NR6A1: variants seen among roughly 807,000 people sequenced by gnomAD.
NR6A1 encodes retinoic acid receptor-related testis-associated receptor.
In NR6A1, 7 loss-of-function variants were observed where a neutral mutation model predicts 59.1. The ratio of observed to expected loss-of-function variants is 0.12; its 90% CI spans 0.07 to 0.22. The LOEUF is 0.22. NR6A1 is among the 10% of genes least tolerant of loss of function. NR6A1 has a pLI of 1.00. For missense variants in NR6A1, 468 were observed against 611.6 expected (o/e 0.77, Z 2.48); for synonymous variants, 243 against 236.1 (o/e 1.03, Z -0.27).
intron 2 of NR6A1, among the ~76,000 whole-genome samples, chr9:124,671,439 A>T (rs569443928): frequency 2.2e-4 from 34 of 152,290 alleles, no homozygotes; most frequent in African/African-American, 8.2e-4. Flanking sequence ...CAAATATCTT[A>T]CTGTATTACT....
chr9:124,730,803 G>A (rs552301457), intron 2 of NR6A1, among the ~76,000 whole-genome samples: 1 of 152,244 alleles, frequency 6.6e-6, no homozygotes, highest in East Asian at 1.9e-4. Context: ...GCTACTAGGT[G>A]CAGAAAAAGA....
chr9:124,711,557 G>C (rs1839281668), intron 2 of NR6A1, among the ~76,000 whole-genome samples: 1 of 152,064 alleles, frequency 6.6e-6, no homozygotes, highest in Non-Finnish European at 1.5e-5. Flanking sequence ...AAATCTCTCT[G>C]CAAGTAGATT....
At chr9:124,637,288 C>T (rs148261210) in intron 2 of NR6A1, among the ~76,000 whole-genome samples, 292 of 152,260 alleles carry the variant, frequency 1.9e-3, no homozygotes, top group Non-Finnish European at 3.3e-3. Flanking sequence ...AAGTACATGA[C>T]ACTGAATGTC....
chr9:124,700,573 A>G (rs1277123468), intron 2 of NR6A1, among the ~76,000 whole-genome samples: 1 of 151,828 alleles, frequency 6.6e-6, no homozygotes, highest in Non-Finnish European at 1.5e-5. Context: ...ATGTTGTAGC[A>G]TGTACTGGTA....
intron 2 of NR6A1, among the ~76,000 whole-genome samples, chr9:124,573,926 G>A (rs1834520901): frequency 6.6e-6 from 1 of 152,118 alleles, no homozygotes; most frequent in Non-Finnish European, 1.5e-5. Context: ...GGTAGAGAGG[G>A]AGAATGAAGG....
intron 2 of NR6A1, among the ~76,000 whole-genome samples, chr9:124,681,014 C>T (rs563457295): frequency 6.6e-6 from 1 of 152,270 alleles, no homozygotes; most frequent in South Asian, 2.1e-4. Flanking sequence ...TTAATAATGT[C>T]CTTGATGAAG....
chr9:124,639,616 G>C (rs1000000913), intron 2 of NR6A1, among the ~76,000 whole-genome samples: 1 of 152,170 alleles, frequency 6.6e-6, no homozygotes, highest in South Asian at 2.1e-4. Flanking sequence ...ACCTCAGAAA[G>C]AATTAGCAAA....
At chr9:124,676,149 T>C (rs1011947697) in intron 2 of NR6A1, among the ~76,000 whole-genome samples, 7 of 152,204 alleles carry the variant, frequency 4.6e-5, no homozygotes, top group African/African-American at 1.4e-4. Context: ...CAGAAGCATG[T>C]GACAGGCAAA....
Position 124,664,605 on chromosome 9 carries a change from AG to A in NR6A1, c.142+68702del. ...AGACGGATTAGACAGATAAATAAATAGATAATGAATGAATGGATGAATGAAT... is the reference window on the plus strand; with the variant it reads ...AGACGGATTAGACAGATAAATAAATAATAATGAATGAATGGATGAATGAAT... On this transcript the variant is annotated intron_variant, in intron 2 of 9. Transcript: ENST00000487099. 1.3e-5 allele frequency among the ~76,000 whole-genome samples: 2 copies of A among 152,252 alleles called. 1 individual carries two copies. Among genetic ancestry groups the A allele is most frequent in the South Asian group, 4.1e-4 (2 of 4,830 alleles).
chr9:124,678,814 C>A (rs534086337), intron 2 of NR6A1, among the ~76,000 whole-genome samples: 2 of 152,192 alleles, frequency 1.3e-5, no homozygotes, highest in Admixed American at 1.3e-4. Flanking sequence ...CTAGTTAAGA[C>A]CTCACTCAGG....
At chr9:124,644,405 C>T (rs1836872500) in intron 2 of NR6A1, among the ~76,000 whole-genome samples, 1 of 151,646 alleles carries the variant, frequency 6.6e-6, no homozygotes, top group East Asian at 1.9e-4. Context: ...GCATGCGCCA[C>T]TACCCCGGCT....
At chr9:124,726,836 C>T (rs1405671696) in intron 2 of NR6A1, among the ~76,000 whole-genome samples, 1 of 152,168 alleles carries the variant, frequency 6.6e-6, no homozygotes, top group Non-Finnish European at 1.5e-5. Flanking sequence ...ATGTAAAATT[C>T]GTAACACACC....
intron 2 of NR6A1, among the ~76,000 whole-genome samples, chr9:124,708,350 G>A (rs899625167): frequency 3.3e-5 from 5 of 152,144 alleles, no homozygotes; most frequent in South Asian, 2.1e-4. Context: ...CAGGCAACAC[G>A]ACAAAACTCC....
intron 1 of NR6A1, among the ~76,000 whole-genome samples, chr9:124,749,262 CAA>C (rs775689576): frequency 2.3e-4 from 22 of 94,736 alleles, no homozygotes; most frequent in Admixed American, 6.8e-4. Context: ...AACTCCATTT[CAA>C]AAAAAAAAAA....
At chr9:124,739,919 A>C (rs1292223606) in intron 1 of NR6A1, among the ~76,000 whole-genome samples, 1 of 152,224 alleles carries the variant, frequency 6.6e-6, no homozygotes, top group Non-Finnish European at 1.5e-5. Context: ...ACGTTCTGCT[A>C]GTTACTCAGT....
At chr9:124,627,365 C>T (rs958512954) in intron 2 of NR6A1, among the ~76,000 whole-genome samples, 1 of 152,132 alleles carries the variant, frequency 6.6e-6, no homozygotes, top group Non-Finnish European at 1.5e-5. Flanking sequence ...TAAGATGTAC[C>T]TTTATTTCCA....
At chr9:124,726,056 G>A (rs1839708231) in intron 2 of NR6A1, among the ~76,000 whole-genome samples, 1 of 152,120 alleles carries the variant, frequency 6.6e-6, no homozygotes, top group Admixed American at 6.6e-5. Context: ...CAATCACAGG[G>A]CAAAATTTCC....
chr9:124,737,326 T>C (rs568440143), intron 1 of NR6A1, among the ~76,000 whole-genome samples: 31 of 152,276 alleles, frequency 2.0e-4, no homozygotes, highest in African/African-American at 7.0e-4. Flanking sequence ...CTTGAAGATA[T>C]ATGGAGAACA....
At chr9:124,586,134 A>T (rs1834924447) in intron 2 of NR6A1, among the ~76,000 whole-genome samples, 1 of 152,208 alleles carries the variant, frequency 6.6e-6, no homozygotes, top group Admixed American at 6.5e-5. Context: ...AAGTCTTATT[A>T]TTTAAGAAAT....
Sources: gnomAD v4.1 joint callset for allele counts (sites outside exome capture counted in the v4.1 genomes callset) on GRCh38, gnomAD v4.1.1 for gene constraint, MANE v1.5 for transcripts, NCBI Gene and HGNC (gene_info 2026-07-23, HGNC 2026-07-21) for gene names.